KATNBL1: variants seen among roughly 807,000 people sequenced by gnomAD.
The protein encoded by KATNBL1 is katanin regulatory subunit B1 like 1, also known as KATNB1-like protein 1.
KATNBL1 carries 28 observed loss-of-function variants against 44.7 expected under a neutral mutation model. The observed-to-expected ratio is 0.63, with a 90% CI of 0.46 to 0.86. The LOEUF is 0.86. KATNBL1 is among the 40% of genes least tolerant of loss of function. KATNBL1 has a pLI of 0.00. For missense variants in KATNBL1, 272 were observed against 350.7 expected (o/e 0.78, Z 1.79); for synonymous variants, 78 against 114.9 (o/e 0.68, Z 2.06).
chr15:34,181,479 A>G (rs2140966591), intron 1 of KATNBL1, among the ~76,000 whole-genome samples: 1 of 151,108 alleles, frequency 6.6e-6, no homozygotes, highest in Admixed American at 6.6e-5. Flanking sequence ...AATTAGAGAC[A>G]TTACTATTAA....
chr15:34,206,652 G>A (rs1454068572), intron 1 of KATNBL1, among the ~76,000 whole-genome samples: 1 of 152,094 alleles, frequency 6.6e-6, no homozygotes, highest in Non-Finnish European at 1.5e-5. Flanking sequence ...TTACCCGGGC[G>A]TGGTGGTGGG....
chr15:34,206,624 C>T (rs1393365145), intron 1 of KATNBL1, among the ~76,000 whole-genome samples: 1 of 152,040 alleles, frequency 6.6e-6, no homozygotes, highest in African/African-American at 2.4e-5. Flanking sequence ...AACCCCGTCT[C>T]AACTAAAAAT....
At chr15:34,170,600 A>G (rs912359653) in intron 1 of KATNBL1, among the ~76,000 whole-genome samples, 3 of 152,220 alleles carry the variant, frequency 2.0e-5, no homozygotes, top group Non-Finnish European at 2.9e-5. Flanking sequence ...TAAAGTTCAT[A>G]TGGAACCAAA....
intron 2 of KATNBL1, among the ~76,000 whole-genome samples, chr15:34,159,276 G>C (rs991106538): frequency 6.6e-5 from 10 of 152,286 alleles, no homozygotes; most frequent in African/African-American, 2.4e-4. Context: ...CCGTGTTTTT[G>C]AGTGAGTACT....
At chr15:34,198,441 G>C (rs1890082411) in intron 1 of KATNBL1, 1 of 152,162 alleles carries the variant, frequency 6.6e-6, no homozygotes, top group South Asian at 2.1e-4. Context: ...AACTGCTCTT[G>C]GAGTTAAACT....
At chr15:34,143,192 T>C (rs1888201209) in intron 9 of KATNBL1, among the ~76,000 whole-genome samples, 1 of 143,766 alleles carries the variant, frequency 7.0e-6, no homozygotes, top group South Asian at 2.3e-4. Context: ...AAACTGATTG[T>C]GGCCGGGTGT....
intron 1 of KATNBL1, among the ~76,000 whole-genome samples, chr15:34,169,497 A>G (rs1045598318): frequency 2.6e-5 from 4 of 152,230 alleles, no homozygotes; most frequent in Non-Finnish European, 5.9e-5. Flanking sequence ...TCACAGCCGA[A>G]TTCTACCAGA....
chr15:34,188,137 T>TAAAAAAAAA lies in KATNBL1; in HGVS notation c.-15+21805_-15+21813dup, dbSNP rs1201268078. On this transcript the variant is annotated intron_variant, in intron 1 of 9. Coordinates refer to ENST00000256544, the MANE Select transcript of KATNBL1 (RefSeq NM_024713.3). ...CTGGGTGACAGAGGAAGACGCCATG[T>TAAAAAAAAA]AAAAAAAAAAAAAAAAAAAAAAAAA... 1.8e-3 allele frequency among the ~76,000 whole-genome samples: 39 copies of TAAAAAAAAA among 22,096 alleles called. 2 individuals are homozygous for TAAAAAAAAA. Among genetic ancestry groups the TAAAAAAAAA allele is most frequent in the African/African-American group, 4.2e-3 (28 of 6,628 alleles). The allele number at this position is 22,096 out of a possible 152,430, so 14.5% of individuals were successfully genotyped here. A position where few individuals can be genotyped will look rare whatever the true frequency, so the allele number is the denominator to read the frequency against.
intron 1 of KATNBL1, among the ~76,000 whole-genome samples, chr15:34,184,635 C>T (rs191110926): frequency 3.4e-5 from 4 of 117,460 alleles, no homozygotes; most frequent in Admixed American, 1.3e-4. Flanking sequence ...AGTGCAGTGG[C>T]GATCTCGGCT....
chr15:34,209,670 A>G (rs6495619), intron 1 of KATNBL1: 109,369 of 152,068 alleles, frequency 0.72, 39,571 homozygotes, highest in Non-Finnish European at 0.76. Flanking sequence ...CCGAAGATAA[A>G]TAAGTGACAA....
chr15:34,152,786 T>G lies in KATNBL1; in HGVS notation c.438+4A>C. ...ACTAGATATGAGTTAGAGAAAAGACTTACCTCAGAAAAAAACCCACTATAT... is the reference window on the plus strand; with the variant it reads ...ACTAGATATGAGTTAGAGAAAAGACGTACCTCAGAAAAAAACCCACTATAT... On this transcript the variant is annotated splice_donor_region_variant and intron_variant, in intron 4 of 9. Transcript: ENST00000256544. 1 of 1,604,438 alleles carries G rather than the reference T, an allele frequency of 6.2e-7. No homozygotes were observed. Among genetic ancestry groups the G allele is most frequent in the Middle Eastern group, 1.7e-4 (1 of 6,000 alleles).
intron 1 of KATNBL1, chr15:34,209,015 G>A (rs1435646408): frequency 2.0e-5 from 3 of 152,140 alleles, no homozygotes; most frequent in Admixed American, 1.3e-4. Context: ...CCAAAGTAAA[G>A]CTCTTAATAC....
chr15:34,182,380 T>C (rs7168139), intron 1 of KATNBL1, among the ~76,000 whole-genome samples: 18,140 of 152,164 alleles, frequency 0.12, 1,184 homozygotes, highest in Non-Finnish European at 0.15. Context: ...TATAAACATA[T>C]ACAATTACGG....
chr15:34,192,311 G>A (rs1426498355), intron 1 of KATNBL1, among the ~76,000 whole-genome samples: 2 of 151,734 alleles, frequency 1.3e-5, no homozygotes, highest in Admixed American at 1.3e-4. Flanking sequence ...GGCTGAAGCA[G>A]GAGAATTGCT....
chr15:34,193,235 A>C (rs889652568), intron 1 of KATNBL1, among the ~76,000 whole-genome samples: 2 of 132,174 alleles, frequency 1.5e-5, no homozygotes, highest in South Asian at 4.8e-4. Flanking sequence ...AAAAAAAAAA[A>C]CAAAAAAAAA....
chr15:34,184,572 G>GTTTTTT (rs1889664192), intron 1 of KATNBL1, among the ~76,000 whole-genome samples: 2 of 12,350 alleles, frequency 1.6e-4, no homozygotes, highest in Non-Finnish European at 1.9e-4. Context: ...CTCTCCTAAT[G>GTTTTTT]TTTCTTTTTT....
intron 1 of KATNBL1, among the ~76,000 whole-genome samples, chr15:34,187,433 C>T (rs1226072680): frequency 6.6e-6 from 1 of 152,164 alleles, no homozygotes; most frequent in Non-Finnish European, 1.5e-5. Flanking sequence ...AGAACTTGGG[C>T]AAAGGCACTG....
chr15:34,190,363 A>G (rs1039463960), intron 1 of KATNBL1, among the ~76,000 whole-genome samples: 6 of 152,232 alleles, frequency 3.9e-5, no homozygotes, highest in African/African-American at 1.4e-4. Flanking sequence ...CAGGTTACTA[A>G]AAACGCAGAA....
intron 1 of KATNBL1, among the ~76,000 whole-genome samples, chr15:34,170,795 C>A (rs1327369298): frequency 6.6e-6 from 1 of 152,204 alleles, no homozygotes; most frequent in East Asian, 1.9e-4. Context: ...ACATCTACAA[C>A]CATCTGATCT....
Sources: allele counts gnomAD v4.1 joint callset (sites outside exome capture counted in the v4.1 genomes callset), GRCh38; gene constraint gnomAD v4.1.1; transcripts MANE v1.5; gene names NCBI Gene and HGNC (gene_info 2026-07-23, HGNC 2026-07-21).